TBCE: variants seen among roughly 807,000 people sequenced by gnomAD.
TBCE encodes the protein tubulin folding cofactor E, also known as tubulin-specific chaperone E.
In TBCE, 53 loss-of-function variants were observed where a neutral mutation model predicts 77.0. That is an observed-to-expected ratio of 0.69 (90% CI 0.55 to 0.87). The LOEUF is 0.87. Among genes scored for constraint, TBCE ranks in the 40% least tolerant of loss-of-function variants. The pLI is 0.00. For synonymous variants in TBCE, 235 were observed against 241.3 expected, an observed-to-expected ratio of 0.97 and a Z score of 0.24; for missense variants, 624 against 622.4, an observed-to-expected ratio of 1.00 and a Z score of -0.03.
intron 1 of TBCE, among the ~76,000 whole-genome samples, chr1:235,368,724 A>AT (rs750475367): frequency 0.017 from 2,409 of 142,574 alleles, 24 homozygotes; most frequent in Middle Eastern, 0.035. Flanking sequence ...TGCCCAGCTA[A>AT]TTTTTTTTTT....
At chr1:235,439,310 T>C (rs1681673068) in intron 13 of TBCE, among the ~76,000 whole-genome samples, 1 of 140,772 alleles carries the variant, frequency 7.1e-6, no homozygotes, top group Non-Finnish European at 1.5e-5. Flanking sequence ...GCTAACACGG[T>C]GAAACCCCGT....
chr1:235,438,946 C>T, intron 13 of TBCE, 24 bp downstream of exon 13: 1 of 1,614,092 alleles, frequency 6.2e-7, no homozygotes, highest in Non-Finnish European at 8.5e-7. Context: ...CACTGGTGGC[C>T]TTCAGGTGGT....
intron 2 of TBCE, among the ~76,000 whole-genome samples, chr1:235,399,949 T>C (rs998832062): frequency 3.3e-5 from 5 of 152,158 alleles, no homozygotes; most frequent in African/African-American, 4.8e-5. Flanking sequence ...CTGATCGTTG[T>C]AGTGTGAGGA....
At chr1:235,445,608 C>G (rs1682202842) in intron 15 of TBCE, among the ~76,000 whole-genome samples, 1 of 152,032 alleles carries the variant, frequency 6.6e-6, no homozygotes. Flanking sequence ...TGCAATCTGG[C>G]CTGGGTGACA....
At chr1:235,401,449 G>A (rs1251802046) in intron 2 of TBCE, 54 bp from the exon 3 acceptor site, 1 of 1,480,790 alleles carries the variant, frequency 6.8e-7, no homozygotes, top group Non-Finnish European at 9.4e-7. Context: ...CAGAAAACTG[G>A]AGCATTGCCT....
At chr1:235,399,175 G>A (rs1331557351) in intron 2 of TBCE, among the ~76,000 whole-genome samples, 2 of 150,094 alleles carry the variant, frequency 1.3e-5, no homozygotes, top group African/African-American at 2.4e-5. Flanking sequence ...GGCTGGTCTC[G>A]AACTCCTGAG....
chr1:235,414,494 A>G lies in TBCE; in HGVS notation c.247A>G (p.Thr83Ala), dbSNP rs767044069. ...NKVNFGTDFL[T>A]AIKNRYVLED... Reference sequence around the variant, plus strand: ...GGTAAATTTTGGAACAGACTTTCTTACTGCAATTAAGAACCGCTATGTGTT... The same window carrying G: ...GGTAAATTTTGGAACAGACTTTCTTGCTGCAATTAAGAACCGCTATGTGTT... The change falls in exon 4 of 17, where the codon ACT (threonine) becomes GCT (alanine). Residue 83 changes from threonine to alanine, a missense_variant. Physicochemically the swap from Thr to Ala is moderately conservative, Grantham distance 58. Coordinates refer to ENST00000642610, the MANE Select transcript of TBCE (RefSeq NM_003193.5). 4.3e-6 allele frequency: 7 copies of G among 1,613,796 alleles called. No homozygotes were observed. The highest frequency in any genetic ancestry group is 5.9e-6 in the Non-Finnish European group (7 of 1,179,998).
chr1:235,394,265 G>A (rs770878873), intron 2 of TBCE, among the ~76,000 whole-genome samples: 23 of 151,736 alleles, frequency 1.5e-4, no homozygotes, highest in Non-Finnish European at 1.5e-4. Context: ...TAGTAGAGAC[G>A]GGGTTTCACC....
At chr1:235,401,395 G>A (rs1195522196) in intron 2 of TBCE, 108 bp from the exon 3 acceptor site, 14 of 876,840 alleles carry the variant, frequency 1.6e-5, no homozygotes, top group African/African-American at 1.7e-5. Context: ...TCCCCAAGTG[G>A]TATCTGTGTG....
At chr1:235,438,563 A>AAAG (rs59598449) in intron 12 of TBCE, among the ~76,000 whole-genome samples, 1 of 150,846 alleles carries the variant, frequency 6.6e-6, no homozygotes, top group African/African-American at 2.4e-5. Flanking sequence ...AAAAAAAAAA[A>AAAG]GAGTGTAAAA....
At chr1:235,387,337 C>T (rs1439244364) in intron 2 of TBCE, among the ~76,000 whole-genome samples, 8 of 152,186 alleles carry the variant, frequency 5.3e-5, no homozygotes, top group South Asian at 2.1e-4. Flanking sequence ...AGCTGTCAGA[C>T]GGGGACATTT....
chr1:235,389,180 G>A lies in TBCE; in HGVS notation c.100+9031G>A, dbSNP rs115806972. Among the ~76,000 whole-genome samples the A allele has an allele frequency of 3.1e-3, 469 of 152,316 alleles. 5 individuals are homozygous for A. The highest frequency in any genetic ancestry group is 0.011 in the African/African-American group (454 of 41,570). On this transcript the variant is annotated intron_variant, in intron 2 of 16. Coordinates refer to ENST00000642610, the MANE Select transcript of TBCE (RefSeq NM_003193.5). The stretch of plus-strand genomic sequence containing the variant: ...GTTTTTTAATGATAGTTTAGCAAAC[G>A]TGAAGTTTTTAATTTATTTAAATTT...
intron 3 of TBCE, among the ~76,000 whole-genome samples, chr1:235,405,901 G>A (rs1459849984): frequency 6.6e-6 from 1 of 152,104 alleles, no homozygotes; most frequent in East Asian, 1.9e-4. Flanking sequence ...TTCAGCTCCA[G>A]TGTGATTATG....
chr1:235,430,354 C>G (rs567802781), intron 6 of TBCE: 1 of 230,978 alleles, frequency 4.3e-6, no homozygotes, highest in East Asian at 1.2e-4. Flanking sequence ...CTCTGGAGAA[C>G]GGGACTTTGT....
chr1:235,373,120 C>T (rs1297833147), intron 1 of TBCE, among the ~76,000 whole-genome samples: 1 of 151,594 alleles, frequency 6.6e-6, no homozygotes, highest in Non-Finnish European at 1.5e-5. Flanking sequence ...TGCTTGAGCC[C>T]AGGAGTTAAA....
In TBCE at chr1:235,435,754, T is replaced by G; in HGVS notation, c.747T>G (p.Asp249Glu). The G allele has an allele frequency of 6.2e-7, 1 of 1,614,050 alleles. No individual in the cohort carries two copies. Among genetic ancestry groups the G allele is most frequent in the Non-Finnish European group, 8.5e-7 (1 of 1,179,908 alleles). ...TTTATTTTCCATACAGGCCAACAGATGTTCTCCAGACAGTCAAGTTATTAG... is the reference window on the plus strand; with the variant it reads ...TTTATTTTCCATACAGGCCAACAGAGGTTCTCCAGACAGTCAAGTTATTAG... ...NNIFISERPT[D>E]VLQTVKLLDL... The change falls in exon 9 of 17, where the codon GAT (aspartate) becomes GAG (glutamate). Residue 249 changes from aspartate (D) to glutamate (E), a missense_variant. Coordinates refer to ENST00000642610, the MANE Select transcript of TBCE (RefSeq NM_003193.5).
intron 1 of TBCE, among the ~76,000 whole-genome samples, chr1:235,377,656 CTTTT>C (rs11449267): frequency 6.9e-6 from 1 of 145,630 alleles, no homozygotes; most frequent in Middle Eastern, 3.2e-3. Flanking sequence ...TCTACCTATT[CTTTT>C]TTTTTTTTTG....
chr1:235,430,739 T>G lies in TBCE; in HGVS notation c.595T>G (p.Leu199Val), dbSNP rs199524448. ...NKLKFPSGSV[L>V]TGTLSVLKVL... Reference sequence around the variant, plus strand: ...ACTAAAATTTCCCTCCGGTTCAGTATTAACTGGAACGCTTTCTGTACTGAA... The same window carrying G: ...ACTAAAATTTCCCTCCGGTTCAGTAGTAACTGGAACGCTTTCTGTACTGAA... The change falls in exon 7 of 17, where the codon TTA becomes GTA. Residue 199 changes from leucine (L) to valine (V), a missense_variant. Coordinates refer to ENST00000642610, the MANE Select transcript of TBCE (RefSeq NM_003193.5). 6.2e-7 allele frequency: 1 copy of G among 1,613,788 alleles called. No individual in the cohort carries two copies. Among genetic ancestry groups the G allele is most frequent in the East Asian group, 2.2e-5 (1 of 44,800 alleles).
At chr1:235,395,361 C>G (rs1280607837) in intron 2 of TBCE, among the ~76,000 whole-genome samples, 2 of 151,998 alleles carry the variant, frequency 1.3e-5, no homozygotes, top group African/African-American at 4.8e-5. Flanking sequence ...ACAAACAGCC[C>G]AATTATACCC....
Sources: allele counts gnomAD v4.1 joint callset (sites outside exome capture counted in the v4.1 genomes callset), GRCh38; gene constraint gnomAD v4.1.1; transcripts MANE v1.5; gene names NCBI Gene and HGNC (gene_info 2026-07-23, HGNC 2026-07-21).